SFSWAP: variants seen among roughly 807,000 people sequenced by gnomAD.
SFSWAP encodes the protein splicing factor, suppressor of white-apricot homolog.
SFSWAP carries 17 observed loss-of-function variants against 100.7 expected under a neutral mutation model. The observed-to-expected ratio is 0.17, with a 90% CI of 0.12 to 0.25. SFSWAP has a LOEUF of 0.25. Among genes scored for constraint, SFSWAP ranks in the 10% least tolerant of loss-of-function variants. SFSWAP has a pLI of 1.00. For missense variants in SFSWAP, 1,005 were observed against 1,262.6 expected, an observed-to-expected ratio of 0.80 and a Z score of 3.09; for synonymous variants, 504 against 510.1, an observed-to-expected ratio of 0.99 and a Z score of 0.16.
At chr12:131,717,197 C>A (rs555087633) in intron 3 of SFSWAP, among the ~76,000 whole-genome samples, 1 of 152,230 alleles carries the variant, frequency 6.6e-6, no homozygotes, top group East Asian at 1.9e-4. Flanking sequence ...AATTTTTTTT[C>A]CTGAGCCATC....
chr12:131,756,740 G>A (rs1230353071), intron 11 of SFSWAP, 96 bp downstream of exon 11: 4 of 1,157,578 alleles, frequency 3.5e-6, no homozygotes, highest in Non-Finnish European at 4.8e-6. Flanking sequence ...CTCACCTGCA[G>A]GCTGGGGTGG....
chr12:131,771,577 C>T (rs1007233232), intron 13 of SFSWAP, among the ~76,000 whole-genome samples: 6 of 150,964 alleles, frequency 4.0e-5, no homozygotes, highest in African/African-American at 1.2e-4. Context: ...ATCAGCCTTT[C>T]GGTGGGAAAG....
intron 11 of SFSWAP, among the ~76,000 whole-genome samples, chr12:131,763,815 A>T (rs1882872409): frequency 1.4e-5 from 2 of 144,130 alleles, no homozygotes; most frequent in Non-Finnish European, 3.1e-5. Context: ...TGAGCCATGA[A>T]TTTTTTTTTT....
intron 7 of SFSWAP, among the ~76,000 whole-genome samples, chr12:131,731,901 CTTTTTTTTT>C (rs755819493): frequency 9.0e-5 from 5 of 55,304 alleles, no homozygotes; most frequent in Non-Finnish European, 1.3e-4. Flanking sequence ...TACTATTTTA[CTTTTTTTTT>C]TTTTTTTTTT....
At chr12:131,724,635 T>C (rs1317153916) in intron 4 of SFSWAP, among the ~76,000 whole-genome samples, 2 of 152,288 alleles carry the variant, frequency 1.3e-5, no homozygotes, top group African/African-American at 2.4e-5. Context: ...TGTGTGGCTT[T>C]CAGCCTTTGG....
chr12:131,747,614 A>G (rs956516141), intron 7 of SFSWAP, among the ~76,000 whole-genome samples: 7 of 152,120 alleles, frequency 4.6e-5, no homozygotes, highest in African/African-American at 1.4e-4. Flanking sequence ...GGCTGTACAC[A>G]TGGAGGGCAG....
chr12:131,725,035 T>TA lies in SFSWAP; in HGVS notation c.607-369dup, dbSNP rs1878826583. Among the ~76,000 whole-genome samples, 1 of 152,210 alleles carries TA rather than the reference T, an allele frequency of 6.6e-6. No homozygotes were observed. Among genetic ancestry groups the TA allele is most frequent in the Admixed American group, 6.5e-5 (1 of 15,284 alleles). ...TGGTTATTGAGAACCATGGAATGTA[T>TA]ACCCTCTCCCTAGAAAAGTGCTTGT... On this transcript the variant is annotated intron_variant, in intron 4 of 17. Coordinates refer to ENST00000261674, the MANE Select transcript of SFSWAP (RefSeq NM_004592.4). The surrounding 1 kb of genome is among the most constrained non-coding windows in gnomAD (Gnocchi z 4.3).
Position 131,799,327 on chromosome 12 carries a change from C to CTT in SFSWAP, c.2791-95_2791-94insTT, listed in dbSNP as rs146612555. The CTT allele has an allele frequency of 3.8e-3, 5,112 of 1,332,838 alleles. 123 individuals are homozygous for CTT. The African/African-American group carries it at 0.055, about 14-fold the overall frequency. 82.6% of individuals were successfully genotyped at this position (1,332,838 alleles called of 1,614,324 possible). A position where few individuals can be genotyped will look rare whatever the true frequency, so the allele number is the denominator to read the frequency against. ...GCCGCCCCCACGGTGCTAGCACCGTCTGGTCTTGACCACCAACTCGTTGAT... is the reference window on the plus strand; with the variant it reads ...GCCGCCCCCACGGTGCTAGCACCGTCTTTGGTCTTGACCACCAACTCGTTGAT... On this transcript the variant is annotated intron_variant, in intron 17 of 17. Transcript: ENST00000261674.
intron 13 of SFSWAP, among the ~76,000 whole-genome samples, chr12:131,769,961 C>G (rs1054468500): frequency 1.1e-4 from 16 of 152,128 alleles, no homozygotes; most frequent in Non-Finnish European, 1.9e-4. Flanking sequence ...GATGCTCTCC[C>G]TGGATATATG....
chr12:131,774,633 G>T (rs779825602), intron 13 of SFSWAP, among the ~76,000 whole-genome samples: 3 of 152,230 alleles, frequency 2.0e-5, no homozygotes, highest in Non-Finnish European at 4.4e-5. Flanking sequence ...CTGGGAAGCT[G>T]TGTTTGGCAT....
In SFSWAP at chr12:131,778,261, C is replaced by T. The variant is rs1884183090; in HGVS notation, c.2339C>T (p.Ser780Phe). The stretch of plus-strand genomic sequence containing the variant: ...CCCAAGTACCATTCGTCATCCAAGT[C>T]CAGGTCTAGATCACACTCAAAAGCA... ...RSPKYHSSSK[S>F]RSRSHSKAKH... Residue 780 changes from serine to phenylalanine, a missense_variant, in exon 14 of 18, where the codon TCC (serine) becomes TTC (phenylalanine). Ser to Phe is a radical substitution (Grantham distance 155). Transcript: ENST00000261674. The surrounding 1 kb of genome is among the most constrained non-coding windows in gnomAD (Gnocchi z 4.2). The T allele has an allele frequency of 2.5e-6, 4 of 1,614,132 alleles. No homozygotes were observed. Among genetic ancestry groups the T allele is most frequent in the Non-Finnish European group, 2.5e-6 (3 of 1,180,040 alleles).
chr12:131,749,260 G>A lies in SFSWAP; in HGVS notation c.1082-3863G>A, dbSNP rs537416730. 9.8e-5 allele frequency among the ~76,000 whole-genome samples: 15 copies of A among 152,304 alleles called. 1 individual carries two copies. In the South Asian group the frequency reaches 3.1e-3, roughly 32 times the overall value. On this transcript the variant is annotated intron_variant, in intron 7 of 17. Coordinates refer to ENST00000261674, the MANE Select transcript of SFSWAP (RefSeq NM_004592.4). The stretch of plus-strand genomic sequence containing the variant: ...TGTATGGTGGGGTTGTCGGGAAGTA[G>A]CCTCGCTATAAGCCCAGGAGAATCC...
chr12:131,790,076 C>G (rs1290070062), intron 15 of SFSWAP, among the ~76,000 whole-genome samples: 1 of 152,052 alleles, frequency 6.6e-6, no homozygotes, highest in East Asian at 1.9e-4. Flanking sequence ...GTGACTTTCC[C>G]CCTCTCTTCT....
At chr12:131,768,012 C>T (rs1883257506) in intron 13 of SFSWAP, among the ~76,000 whole-genome samples, 1 of 152,240 alleles carries the variant, frequency 6.6e-6, no homozygotes, top group African/African-American at 2.4e-5. Flanking sequence ...TGGGAAGATG[C>T]CCCCAGCACC....
chr12:131,753,627 A>G (rs374912076), intron 8 of SFSWAP: 1 of 528,214 alleles, frequency 1.9e-6, no homozygotes, highest in Non-Finnish European at 3.4e-6. Context: ...GATCTCCAGC[A>G]TCTGTTCTTG....
At chr12:131,726,724 T>C (rs1017690614) in intron 5 of SFSWAP, among the ~76,000 whole-genome samples, 2 of 152,220 alleles carry the variant, frequency 1.3e-5, no homozygotes, top group Non-Finnish European at 2.9e-5. Context: ...CAGCTGGTGC[T>C]CGATGCTGGC....
At chr12:131,771,908 G>A (rs1021610612) in intron 13 of SFSWAP, among the ~76,000 whole-genome samples, 4 of 152,052 alleles carry the variant, frequency 2.6e-5, no homozygotes, top group Non-Finnish European at 5.9e-5. Context: ...TGATCAGCCC[G>A]CCTCAGCCTC....
Position 131,714,244 on chromosome 12 carries a change from C to T in SFSWAP, c.388+4C>T. 2 of 1,593,818 alleles carry T rather than the reference C, an allele frequency of 1.3e-6. No homozygotes were observed. The highest frequency in any genetic ancestry group is 1.7e-6 in the Non-Finnish European group (2 of 1,169,506). The stretch of plus-strand genomic sequence containing the variant: ...CTTGAGGAGGAGGCAAGGCAAGGTA[C>T]TGCTCAAGACAAACTTACTTCAGCA... On this transcript the variant is annotated splice_donor_region_variant and intron_variant, in intron 2 of 17. Transcript: ENST00000261674. The surrounding 1 kb of genome is among the most constrained non-coding windows in gnomAD (Gnocchi z 6.0).
At chr12:131,773,930 A>G (rs759718435) in intron 13 of SFSWAP, among the ~76,000 whole-genome samples, 1 of 152,232 alleles carries the variant, frequency 6.6e-6, no homozygotes, top group African/African-American at 2.4e-5. Flanking sequence ...GCTTACCAGA[A>G]TAGTGAGGGC....
Sources: gnomAD v4.1 joint callset for allele counts (sites outside exome capture counted in the v4.1 genomes callset) on GRCh38, gnomAD v4.1.1 for gene constraint, Gnocchi (gnomAD v3.1) non-coding constraint, MANE v1.5 for transcripts, NCBI Gene and HGNC (gene_info 2026-07-23, HGNC 2026-07-21) for gene names.